PIGU: variants seen among roughly 807,000 people sequenced by gnomAD.
PIGU encodes GPI-anchor transamidase component PIGU.
In PIGU, 24 loss-of-function variants were observed where a neutral mutation model predicts 49.9. The ratio of observed to expected loss-of-function variants is 0.48; its 90% CI spans 0.35 to 0.68. The LOEUF (loss-of-function observed/expected upper bound fraction) is 0.68, where lower values mean the gene tolerates loss of function less well. Among genes scored for constraint, PIGU ranks in the 30% least tolerant of loss-of-function variants. PIGU has a pLI of 0.01. For missense variants in PIGU, 490 were observed against 532.6 expected (o/e 0.92, Z 0.79); for synonymous variants, 220 against 205.7 (o/e 1.07, Z -0.59).
chr20:34,662,335 AGTGCTGGAATTACAGTG>A (rs989780727), intron 1 of PIGU, among the ~76,000 whole-genome samples: 15 of 151,068 alleles, frequency 9.9e-5, no homozygotes, highest in African/African-American at 3.4e-4. Context: ...AGCCTCCCAA[AGTGCTGGAATTACAGTG>A]GTGCTGGAAT....
At chr20:34,615,716 C>T (rs1477884975) in intron 7 of PIGU, among the ~76,000 whole-genome samples, 2 of 152,114 alleles carry the variant, frequency 1.3e-5, no homozygotes. Flanking sequence ...GTATCCCTGC[C>T]TGTTAGTCAC....
At chr20:34,575,765 T>A (rs1290687271) in intron 10 of PIGU, among the ~76,000 whole-genome samples, 1 of 152,160 alleles carries the variant, frequency 6.6e-6, no homozygotes, top group Non-Finnish European at 1.5e-5. Flanking sequence ...GACCCCTGCC[T>A]CGCTCTTCAA....
intron 5 of PIGU, among the ~76,000 whole-genome samples, 187 bp from the exon 6 acceptor site, chr20:34,634,902 T>C (rs530678465): frequency 6.6e-6 from 1 of 152,316 alleles, no homozygotes; most frequent in South Asian, 2.1e-4. Flanking sequence ...GTACTGAACA[T>C]GGACTGCCTA....
At chr20:34,637,855 G>C (rs752639372) in intron 5 of PIGU, 21 bp downstream of exon 5, 11 of 1,605,372 alleles carry the variant, frequency 6.9e-6, no homozygotes, top group Middle Eastern at 1.7e-4. Flanking sequence ...CACTAAGCCT[G>C]TTTTGTCAGG....
chr20:34,606,770 G>C (rs764087940), intron 7 of PIGU, among the ~76,000 whole-genome samples: 1 of 152,040 alleles, frequency 6.6e-6, no homozygotes, highest in Non-Finnish European at 1.5e-5. Context: ...GTTTTGTTTC[G>C]TTTGTTTTTG....
intron 11 of PIGU, 121 bp downstream of exon 11, chr20:34,574,982 AG>A: frequency 7.6e-7 from 1 of 1,309,328 alleles, no homozygotes; most frequent in Non-Finnish European, 1.1e-6. Context: ...ACTTGAGGGG[AG>A]TAACTGTGCC....
intron 5 of PIGU, among the ~76,000 whole-genome samples, chr20:34,636,501 A>C (rs1371732076): frequency 6.6e-6 from 1 of 151,942 alleles, no homozygotes; most frequent in East Asian, 1.9e-4. Flanking sequence ...CCGAGATTGC[A>C]CCACTGCACT....
rs1982433849 is a variant in PIGU, at chr20:34,560,561, C to CATTT, written c.*301_*304dup. The CATTT allele has an allele frequency of 5.7e-6, 2 of 353,798 alleles. No individual in the cohort carries two copies. The highest frequency in any genetic ancestry group is 4.6e-5 in the Admixed American group (1 of 21,902). 21.9% of individuals were successfully genotyped at this position (353,798 alleles called of 1,614,324 possible). On this transcript the variant is annotated 3_prime_UTR_variant, in exon 12 of 12. Coordinates refer to ENST00000217446, the MANE Select transcript of PIGU (RefSeq NM_080476.5). ...TCAGGGTAGACTTCATAACAAAAAA[C>CATTT]ATTTATTAAGTAGCCACAATCTAAC...
At chr20:34,576,680 G>A (rs1983247647) in intron 10 of PIGU, among the ~76,000 whole-genome samples, 3 of 152,122 alleles carry the variant, frequency 2.0e-5, no homozygotes. Flanking sequence ...GGAGTGGAGT[G>A]GCTGGATCAT....
chr20:34,571,775 C>T (rs1297121535), intron 11 of PIGU, among the ~76,000 whole-genome samples: 1 of 152,170 alleles, frequency 6.6e-6, no homozygotes, highest in Non-Finnish European at 1.5e-5. Flanking sequence ...TGAAATGTCT[C>T]ATTTTGCACT....
chr20:34,594,969 G>C (rs1318365524), intron 7 of PIGU, among the ~76,000 whole-genome samples: 1 of 151,764 alleles, frequency 6.6e-6, no homozygotes, highest in Non-Finnish European at 1.5e-5. Context: ...GGGGGCGCCT[G>C]TAGTCCTAGC....
chr20:34,593,161 AC>A (rs1397463016), intron 7 of PIGU, among the ~76,000 whole-genome samples: 1 of 152,046 alleles, frequency 6.6e-6, no homozygotes, highest in Non-Finnish European at 1.5e-5. Flanking sequence ...ACATGGCGAA[AC>A]CCCATCTCTA....
Position 34,560,856 on chromosome 20 carries a change from C to A in PIGU, c.*10G>T. On this transcript the variant is annotated 3_prime_UTR_variant, in exon 12 of 12. Coordinates refer to ENST00000217446, the MANE Select transcript of PIGU (RefSeq NM_080476.5). ...CCCCTGAGGTCCATGCAGCCCTGTG[C>A]CAGCCAGGCCTACTTGAGCACGAGC... 2 of 1,577,248 alleles carry A rather than the reference C, an allele frequency of 1.3e-6. No individual in the cohort carries two copies. The highest frequency in any genetic ancestry group is 1.7e-6 in the Non-Finnish European group (2 of 1,152,282).
intron 2 of PIGU, among the ~76,000 whole-genome samples, chr20:34,645,842 A>G (rs1370689625): frequency 6.6e-6 from 1 of 152,192 alleles, no homozygotes; most frequent in Non-Finnish European, 1.5e-5. Context: ...GCTTGTAGTG[A>G]GCCGAGATCA....
chr20:34,580,667 G>T (rs910595392), intron 10 of PIGU, among the ~76,000 whole-genome samples: 2 of 152,198 alleles, frequency 1.3e-5, no homozygotes, highest in African/African-American at 4.8e-5. Context: ...TATTGGGGAG[G>T]TTTAAAAACC....
At chr20:34,635,144 T>C (rs2146761233) in intron 5 of PIGU, among the ~76,000 whole-genome samples, 1 of 152,292 alleles carries the variant, frequency 6.6e-6, no homozygotes, top group Non-Finnish European at 1.5e-5. Context: ...ATTTCAGATT[T>C]CAAAAAATGA....
intron 7 of PIGU, among the ~76,000 whole-genome samples, chr20:34,611,648 G>GAAAAAAAAAAAAAAA (rs146531122): frequency 5.2e-4 from 34 of 64,884 alleles, no homozygotes; most frequent in Non-Finnish European, 7.0e-4. Flanking sequence ...TCAAGTCTCA[G>GAAAAAAAAAAAAAAA]AAAAAAAAAA....
At chr20:34,667,173 C>T (rs1304085381) in intron 1 of PIGU, among the ~76,000 whole-genome samples, 2 of 152,122 alleles carry the variant, frequency 1.3e-5, no homozygotes, top group African/African-American at 4.8e-5. Context: ...TATACTTTTC[C>T]TATGGGTGAT....
intron 7 of PIGU, among the ~76,000 whole-genome samples, chr20:34,590,011 T>G (rs1444157931): frequency 4.0e-5 from 6 of 151,826 alleles, no homozygotes; most frequent in African/African-American, 1.5e-4. Context: ...AGCAAAAATC[T>G]TAATATCTGT....
Sources: allele counts gnomAD v4.1 joint callset (sites outside exome capture counted in the v4.1 genomes callset), GRCh38; gene constraint gnomAD v4.1.1; transcripts MANE v1.5; gene names NCBI Gene and HGNC (gene_info 2026-07-23, HGNC 2026-07-21).